Variants in IFT25 observed in about 807,000 individuals in gnomAD.
IFT25 encodes intraflagellar transport protein 25 homolog.
the IFT25 span, chr1:53,928,408 T>C: frequency 1.2e-6 from 2 of 1,613,448 alleles, no homozygotes; most frequent in Non-Finnish European, 1.7e-6. Context: ...ACTGGCTCTT[T>C]AGACGTGCTT....
At chr1:53,944,344 T>A in the IFT25 span, among the ~76,000 whole-genome samples, 11,448 of 152,102 alleles carry the variant, frequency 0.075, 781 homozygotes, top group African/African-American at 0.19. Context: ...AAACCCTCTC[T>A]ACTAAAAATT....
At chr1:53,920,288 G>C in the IFT25 span, among the ~76,000 whole-genome samples, 3 of 151,396 alleles carry the variant, frequency 2.0e-5, no homozygotes, top group East Asian at 5.8e-4. Context: ...TGAGGGTTTT[G>C]TTTTGGTCTT....
chr1:53,936,550 T>G, the IFT25 span, among the ~76,000 whole-genome samples: 1 of 152,238 alleles, frequency 6.6e-6, no homozygotes, highest in East Asian at 1.9e-4. Flanking sequence ...AGCTAACACC[T>G]ATTTTACATG....
At chr1:53,928,254 G>C in the IFT25 span, 2 of 773,476 alleles carry the variant, frequency 2.6e-6, no homozygotes, top group Non-Finnish European at 4.3e-6. Flanking sequence ...CCCTAAATGT[G>C]TCACAAGGAT....
the IFT25 span, chr1:53,928,491 G>T: frequency 7.3e-7 from 1 of 1,377,252 alleles, no homozygotes; most frequent in Non-Finnish European, 1.0e-6. Context: ...GTATGTTTTT[G>T]TCCCTATATT....
chr1:53,935,965 A>G, the IFT25 span, among the ~76,000 whole-genome samples: 4 of 152,148 alleles, frequency 2.6e-5, no homozygotes, highest in South Asian at 8.3e-4. Flanking sequence ...TGAATTTTAA[A>G]ATGACATCTA....
the IFT25 span, chr1:53,917,042 G>C: frequency 4.7e-6 from 1 of 213,902 alleles, no homozygotes; most frequent in Non-Finnish European, 9.2e-6. Context: ...TCCTAGGGAG[G>C]CTGAGGCAGG....
At chr1:53,922,058 G>A in the IFT25 span, among the ~76,000 whole-genome samples, 1 of 152,184 alleles carries the variant, frequency 6.6e-6, no homozygotes, top group Non-Finnish European at 1.5e-5. Context: ...CTCCCAAAGT[G>A]CTGGGATTAC....
chr1:53,933,385 C>T, the IFT25 span, among the ~76,000 whole-genome samples: 7 of 151,636 alleles, frequency 4.6e-5, no homozygotes, highest in East Asian at 2.0e-4. Context: ...CCGCCCGCCT[C>T]GGCCTCCCAA....
the IFT25 span, chr1:53,916,525 C>T: frequency 6.2e-6 from 1 of 160,330 alleles, no homozygotes; most frequent in Non-Finnish European, 1.4e-5. Context: ...GTGTTTCTTA[C>T]ACAAAGAGTT....
At chr1:53,929,146 T>G in the IFT25 span, 1 of 152,340 alleles carries the variant, frequency 6.6e-6, no homozygotes, top group African/African-American at 2.4e-5. Flanking sequence ...TGGATTGGAT[T>G]TGGCCAGTGG....
chr1:53,936,411 C>G, the IFT25 span, among the ~76,000 whole-genome samples: 1 of 152,206 alleles, frequency 6.6e-6, no homozygotes, highest in Admixed American at 6.5e-5. Flanking sequence ...GATTGTGCCA[C>G]TGCACTCCAG....
At chr1:53,940,128 C>T in the IFT25 span, 3 of 1,077,972 alleles carry the variant, frequency 2.8e-6, no homozygotes, top group African/African-American at 4.8e-5. Context: ...AAAAAAGCAA[C>T]TTCTTGATTC....
the IFT25 span, chr1:53,940,236 C>G: frequency 3.4e-6 from 2 of 583,052 alleles, no homozygotes; most frequent in Non-Finnish European, 3.0e-6. Flanking sequence ...GGGACTCTAA[C>G]ATGTTTGTTT....
the IFT25 span, among the ~76,000 whole-genome samples, chr1:53,915,991 C>G: frequency 6.6e-6 from 1 of 151,998 alleles, no homozygotes; most frequent in African/African-American, 2.4e-5. Flanking sequence ...TCGAGACTAG[C>G]CTGGGCAACA....
chr1:53,933,877 T>C, the IFT25 span, among the ~76,000 whole-genome samples: 4 of 152,184 alleles, frequency 2.6e-5, no homozygotes, highest in Non-Finnish European at 1.5e-5. Context: ...ATACCTCCTT[T>C]ATTAGAAATT....
the IFT25 span, among the ~76,000 whole-genome samples, chr1:53,930,356 G>A: frequency 6.6e-6 from 1 of 152,086 alleles, no homozygotes; most frequent in East Asian, 1.9e-4. Context: ...CGGAATTGAT[G>A]TCACTTCTAT....
the IFT25 span, among the ~76,000 whole-genome samples, chr1:53,936,157 G>A: frequency 0.02 from 3,080 of 152,118 alleles, 103 homozygotes; most frequent in African/African-American, 0.07. Flanking sequence ...GCCTGGTGGC[G>A]TGCATCTGTA....
the IFT25 span, among the ~76,000 whole-genome samples, chr1:53,923,143 A>G: frequency 6.6e-6 from 1 of 152,214 alleles, no homozygotes; most frequent in African/African-American, 2.4e-5. Context: ...TGGGAGAGAA[A>G]GGAACTAATG....
Sources: gnomAD v4.1 joint callset for allele counts (sites outside exome capture counted in the v4.1 genomes callset) on GRCh38, gnomAD v4.1.1 for gene constraint, MANE v1.5 for transcripts, NCBI Gene and HGNC (gene_info 2026-07-23, HGNC 2026-07-21) for gene names.